The following R3HDM1 variants were observed in gnomAD, a reference collection of about 807,000 sequenced individuals.
R3HDM1 encodes the protein R3H domain-containing protein 1.
A neutral mutation model predicts 141.1 loss-of-function variants in R3HDM1; 46 were observed. The observed-to-expected ratio is 0.33, with a 90% confidence interval of 0.26 to 0.42. The LOEUF (loss-of-function observed/expected upper bound fraction) is 0.42, where lower values mean the gene tolerates loss of function less well. Ranked by LOEUF, R3HDM1 falls within the 10% of genes least tolerant of loss-of-function variation. The probability of loss-of-function intolerance (pLI) is 1.00; values close to 1 mark genes in which losing one functional copy is unlikely to be tolerated. For synonymous variants in R3HDM1, 435 were observed against 472.9 expected (o/e 0.92, Z 1.04); for missense variants, 1,184 against 1,368.3 (o/e 0.87, Z 2.12).
At chr2:135,670,339 A>AT (rs1000850138) in intron 19 of R3HDM1, 14 of 984,992 alleles carry the variant, frequency 1.4e-5, no homozygotes, top group Non-Finnish European at 1.2e-6. Context: ...AAATGTTTAT[A>AT]TTTTTTGTCC....
rs1222736378 is a variant in R3HDM1, at chr2:135,619,071, C to T, written c.303+2314C>T. ...TTTGTACAAGTCAGAGTAAAGAATA[C>T]GCCTGTTTGGGATGGAGTAGTAGGC... is the stretch of plus-strand genomic sequence containing the variant. On this transcript the variant is annotated intron_variant, in intron 5 of 26. Transcript: ENST00000683871. Among the ~76,000 whole-genome samples, 9 of 149,924 alleles carry T rather than the reference C, an allele frequency of 6.0e-5. No homozygotes were observed. The South Asian group carries it at 1.3e-3, about 21-fold the overall frequency.
At chr2:135,621,824 C>T (rs190553353) in intron 6 of R3HDM1, 33 of 982,230 alleles carry the variant, frequency 3.4e-5, no homozygotes, top group South Asian at 2.8e-4. Context: ...ACATAACAGA[C>T]GTTGAGGACA....
chr2:135,673,349 T>C (rs552493266), intron 19 of R3HDM1, among the ~76,000 whole-genome samples: 3 of 152,294 alleles, frequency 2.0e-5, no homozygotes, highest in South Asian at 4.1e-4. Context: ...CGTGTATGTG[T>C]TGAGGTGGCA....
At position 135,709,548 on chromosome 2, in the gene R3HDM1, T is replaced by G. The variant is rs745506214; in HGVS notation, c.2563+12T>G. 8 of 1,612,492 alleles carry G rather than the reference T, an allele frequency of 5.0e-6. No homozygotes were observed. The Admixed American group carries it at 1.3e-4, about 27-fold the overall frequency. ...CCACCAATGTACAGGTATAAAGAAATCAGTGAAAATAAGATGATTGGTTCA... is the reference window on the plus strand; with the variant it reads ...CCACCAATGTACAGGTATAAAGAAAGCAGTGAAAATAAGATGATTGGTTCA... On this transcript the variant is annotated intron_variant, in intron 22 of 26. Transcript: ENST00000683871.
At position 135,724,299 on chromosome 2, in the gene R3HDM1, C is replaced by T. The variant is rs997291501; in HGVS notation, c.*7C>T. The stretch of plus-strand genomic sequence containing the variant: ...AAGGGCAAGTTCTCAGTAACAGCCA[C>T]CTTTGGACCCTTCGCCTTTATGGTT... On this transcript the variant is annotated 3_prime_UTR_variant, in exon 27 of 27. Transcript: ENST00000683871. 8.2e-6 allele frequency: 13 copies of T among 1,576,924 alleles called. No homozygotes were observed. The highest frequency in any genetic ancestry group is 1.0e-5 in the Non-Finnish European group (12 of 1,152,392).
In R3HDM1 at chr2:135,645,411, G is replaced by C; in HGVS notation, c.1507G>C (p.Val503Leu). Residue 503 changes from valine to leucine, a missense_variant, in exon 16 of 27, where the codon GTT becomes CTT. Physicochemically the swap from Val to Leu is conservative, Grantham distance 32. Around this residue, in one of 5 missense-constraint regions of R3HDM1, gnomAD observed 563 missense variants for 562.0 expected, o/e 1.00. Coordinates refer to ENST00000683871, the MANE Select transcript of R3HDM1 (RefSeq NM_001378107.1). The part of the protein sequence containing the change: ...QPFINPDGSP[V>L]VYNPPMTQQP... The stretch of plus-strand genomic sequence containing the variant: ...CTTCATAAACCCAGATGGGAGTCCA[G>C]TTGTGTATAATCCTCCTATGACTCA... 6.2e-7 allele frequency: 1 copy of C among 1,612,554 alleles called. No individual in the cohort carries two copies. Among genetic ancestry groups the C allele is most frequent in the Non-Finnish European group, 8.5e-7 (1 of 1,178,734 alleles).
At chr2:135,678,417 C>A (rs1462013074) in intron 20 of R3HDM1, among the ~76,000 whole-genome samples, 1 of 151,988 alleles carries the variant, frequency 6.6e-6, no homozygotes, top group African/African-American at 2.4e-5. Context: ...AATTCAAATT[C>A]CTGCCCTGTA....
intron 1 of R3HDM1, chr2:135,565,801 A>C (rs540935043): frequency 1.6e-4 from 24 of 152,946 alleles, no homozygotes; most frequent in African/African-American, 5.8e-4. Flanking sequence ...GGGTGATCAG[A>C]CCCAACACCA....
Position 135,688,582 on chromosome 2 carries a change from T to A in R3HDM1, c.2459+8258T>A, listed in dbSNP as rs151095020. On this transcript the variant is annotated intron_variant, in intron 21 of 26. Transcript: ENST00000683871. ...AACTGAAAGCCAAAGAAATTCATGA[T>A]CATGTTACCCAGGGTCAGGAAAATG... 6.1e-3 allele frequency among the ~76,000 whole-genome samples: 936 copies of A among 152,262 alleles called. 8 individuals carry two copies. Among genetic ancestry groups the A allele is most frequent in the South Asian group, 0.041 (196 of 4,820 alleles).
chr2:135,543,485 G>C (rs1233399265), intron 1 of R3HDM1, among the ~76,000 whole-genome samples: 1 of 151,452 alleles, frequency 6.6e-6, no homozygotes, highest in Non-Finnish European at 1.5e-5. Flanking sequence ...ATAGTTTAGG[G>C]TCAGGTTGCC....
At chr2:135,681,566 GA>G (rs2070313964) in intron 21 of R3HDM1, among the ~76,000 whole-genome samples, 1 of 152,140 alleles carries the variant, frequency 6.6e-6, no homozygotes, top group African/African-American at 2.4e-5. Context: ...TGGCAGGTTG[GA>G]AAAATGAGGT....
intron 21 of R3HDM1, among the ~76,000 whole-genome samples, chr2:135,686,338 G>C (rs2071339081): frequency 1.3e-5 from 2 of 152,172 alleles, no homozygotes. Context: ...TTATGCAGAA[G>C]AATTGAAATC....
chr2:135,621,673 C>G, intron 6 of R3HDM1, 65 bp downstream of exon 6: 3 of 1,430,798 alleles, frequency 2.1e-6, no homozygotes, highest in Non-Finnish European at 2.8e-6. Flanking sequence ...TCCTTTTCCC[C>G]TTGAATAATT....
At position 135,715,771 on chromosome 2, in the gene R3HDM1, G is replaced by T. The variant is rs1407599248; in HGVS notation, c.2881+77G>T. ...CCCAGTCACTTGGTAATTTATCTTG[G>T]TAATATTGCCTTTCTATTTTCCATA... On this transcript the variant is annotated intron_variant, in intron 24 of 26. Transcript: ENST00000683871. 5.3e-6 allele frequency: 8 copies of T among 1,501,112 alleles called. No individual in the cohort carries two copies. In the Admixed American group the frequency reaches 1.4e-4, roughly 26 times the overall value. The allele number at this position is 1,501,112 out of a possible 1,614,324, so 93.0% of individuals were successfully genotyped here.
At chr2:135,608,511 CTG>C (rs2060265855) in intron 3 of R3HDM1, among the ~76,000 whole-genome samples, 1 of 152,008 alleles carries the variant, frequency 6.6e-6, no homozygotes, top group South Asian at 2.1e-4. Context: ...TTGGTTTCTT[CTG>C]TGTTTTCATT....
At chr2:135,552,952 C>T (rs941089583) in intron 1 of R3HDM1, among the ~76,000 whole-genome samples, 4 of 152,038 alleles carry the variant, frequency 2.6e-5, no homozygotes, top group African/African-American at 9.7e-5. Context: ...GATCATAGCT[C>T]ACTGCAGCCT....
chr2:135,651,868 G>A lies in R3HDM1; in HGVS notation c.1864G>A (p.Ala622Thr). Reference sequence around the variant, plus strand: ...ACAGCAGTCTGGTTATATCATGACAGCAGCCCCTCCACCACATCCTCCTCC... The same window carrying A: ...ACAGCAGTCTGGTTATATCATGACAACAGCCCCTCCACCACATCCTCCTCC... ...SPQQSGYIMTAAPPPHPPPPP... is the reference protein window; with the variant it reads ...SPQQSGYIMTTAPPPHPPPPP... Residue 622 changes from alanine (A) to threonine (T), a missense_variant, in exon 18 of 27, where the codon GCA becomes ACA. By Grantham distance (58) the Ala-to-Thr change is moderately conservative (BLOSUM62 0). Transcript: ENST00000683871. The A allele has an allele frequency of 6.2e-7, 1 of 1,613,960 alleles. No homozygotes were observed. Among genetic ancestry groups the A allele is most frequent in the East Asian group, 2.2e-5 (1 of 44,876 alleles).
intron 21 of R3HDM1, among the ~76,000 whole-genome samples, chr2:135,686,204 C>T (rs1029901459): frequency 1.3e-5 from 2 of 152,004 alleles, no homozygotes; most frequent in Non-Finnish European, 2.9e-5. Context: ...AAAGGGAACC[C>T]TTGTAACACT....
chr2:135,655,354 T>C (rs1186010861), intron 18 of R3HDM1, among the ~76,000 whole-genome samples: 1 of 152,206 alleles, frequency 6.6e-6, no homozygotes, highest in Non-Finnish European at 1.5e-5. Context: ...TTTCCTGGGC[T>C]CTCACCTTAC....
Sources: gnomAD v4.1 joint callset for allele counts (sites outside exome capture counted in the v4.1 genomes callset) on GRCh38, gnomAD v4.1.1 for gene constraint, gnomAD v4.1.1 regional missense constraint, MANE v1.5 for transcripts, NCBI Gene and HGNC (gene_info 2026-07-23, HGNC 2026-07-21) for gene names.